Variants in TMEM163 observed in about 807,000 individuals in gnomAD.
TMEM163 encodes transmembrane protein 163.
TMEM163 carries 17 observed loss-of-function variants against 29.3 expected under a neutral mutation model. The observed-to-expected ratio is 0.58, with a 90% CI of 0.40 to 0.87. TMEM163 has a LOEUF of 0.87. Ranked by LOEUF, TMEM163 falls within the 40% of genes least tolerant of loss-of-function variation. The pLI is 0.00. For synonymous variants in TMEM163, 157 were observed against 160.6 expected, an observed-to-expected ratio of 0.98 and a Z score of 0.17; for missense variants, 303 against 381.5, an observed-to-expected ratio of 0.79 and a Z score of 1.71.
chr2:134,533,892 GC>G (rs1270528826), intron 4 of TMEM163, among the ~76,000 whole-genome samples: 1 of 152,134 alleles, frequency 6.6e-6, no homozygotes, highest in Admixed American at 6.5e-5. Context: ...GTCCAGGGAT[GC>G]TTTTTCTCAA....
intron 2 of TMEM163, among the ~76,000 whole-genome samples, chr2:134,667,103 T>C (rs1272481655): frequency 6.6e-6 from 1 of 152,210 alleles, no homozygotes; most frequent in Non-Finnish European, 1.5e-5. Context: ...ATTCACCAGA[T>C]TTGACTCAAG....
chr2:134,468,556 A>T (rs1686720399), intron 5 of TMEM163: 1 of 152,306 alleles, frequency 6.6e-6, no homozygotes. Context: ...TGGGAGACTG[A>T]GGCAGTCAGG....
At chr2:134,495,999 T>A (rs576829710) in intron 5 of TMEM163, among the ~76,000 whole-genome samples, 1 of 152,214 alleles carries the variant, frequency 6.6e-6, no homozygotes, top group East Asian at 1.9e-4. Context: ...TCATCCACCA[T>A]GAATAGAAGT....
At chr2:134,464,841 G>C (rs117977695) in intron 6 of TMEM163, among the ~76,000 whole-genome samples, 1 of 152,046 alleles carries the variant, frequency 6.6e-6, no homozygotes, top group South Asian at 2.1e-4. Flanking sequence ...GGGTGGAAAC[G>C]TCACTTTGGC....
At chr2:134,649,365 A>C (rs763859408) in intron 2 of TMEM163, among the ~76,000 whole-genome samples, 1 of 152,212 alleles carries the variant, frequency 6.6e-6, no homozygotes, top group Non-Finnish European at 1.5e-5. Context: ...CCTATGACTG[A>C]TATCAGTGAC....
At position 134,662,705 on chromosome 2, in the gene TMEM163, C is replaced by G. The variant is rs540932340; in HGVS notation, c.322+50495G>C. ...GTTATCATCCCTTGACATTGCTGACCTGAAATCCACCAGTGCTCCTGGGAC... is the reference window on the plus strand; with the variant it reads ...GTTATCATCCCTTGACATTGCTGACGTGAAATCCACCAGTGCTCCTGGGAC... On this transcript the variant is annotated intron_variant, in intron 2 of 7. Coordinates refer to ENST00000281924, the MANE Select transcript of TMEM163 (RefSeq NM_030923.5). Among the ~76,000 whole-genome samples the G allele has an allele frequency of 2.0e-5, 3 of 152,268 alleles. No homozygotes were observed. The East Asian group carries it at 5.8e-4, about 29-fold the overall frequency.
chr2:134,705,031 G>A (rs1297004695), intron 2 of TMEM163, among the ~76,000 whole-genome samples: 4 of 151,928 alleles, frequency 2.6e-5, no homozygotes, highest in East Asian at 1.9e-4. Context: ...CCAACATGGC[G>A]AAACCCCGGC....
intron 2 of TMEM163, among the ~76,000 whole-genome samples, chr2:134,623,374 C>T (rs1313668138): frequency 6.6e-6 from 1 of 152,110 alleles, no homozygotes; most frequent in Non-Finnish European, 1.5e-5. Flanking sequence ...TTTCGAGCAG[C>T]ACTCACACCC....
intron 4 of TMEM163, among the ~76,000 whole-genome samples, chr2:134,549,345 T>A (rs1047795710): frequency 6.6e-6 from 1 of 152,202 alleles, no homozygotes; most frequent in African/African-American, 2.4e-5. Flanking sequence ...TAACATCCCA[T>A]TCAAGAGTAC....
intron 2 of TMEM163, among the ~76,000 whole-genome samples, chr2:134,556,151 T>C (rs560488658): frequency 6.6e-6 from 1 of 152,270 alleles, no homozygotes; most frequent in South Asian, 2.1e-4. Context: ...AGAAAGTAGA[T>C]ATTAAACACA....
chr2:134,497,555 G>C (rs1271178114), intron 5 of TMEM163, among the ~76,000 whole-genome samples: 1 of 152,120 alleles, frequency 6.6e-6, no homozygotes, highest in Non-Finnish European at 1.5e-5. Context: ...GGGCAAGGAC[G>C]GGACTTCTAG....
At chr2:134,620,174 T>C (rs573683962) in intron 2 of TMEM163, among the ~76,000 whole-genome samples, 4 of 152,130 alleles carry the variant, frequency 2.6e-5, no homozygotes, top group South Asian at 2.1e-4. Context: ...CTAAAACTTA[T>C]ATGGAAATGC....
chr2:134,662,603 A>T (rs1370394251), intron 2 of TMEM163, among the ~76,000 whole-genome samples: 1 of 152,170 alleles, frequency 6.6e-6, no homozygotes, highest in Non-Finnish European at 1.5e-5. Flanking sequence ...GATTCGGGAG[A>T]TGAGCAATTC....
intron 4 of TMEM163, among the ~76,000 whole-genome samples, chr2:134,527,807 C>A (rs78242183): frequency 6.6e-6 from 1 of 152,044 alleles, no homozygotes; most frequent in Admixed American, 6.5e-5. Flanking sequence ...GAGGAACATA[C>A]GAAAATAATT....
At chr2:134,562,040 C>G (rs529270972) in intron 2 of TMEM163, among the ~76,000 whole-genome samples, 1 of 152,318 alleles carries the variant, frequency 6.6e-6, no homozygotes, top group African/African-American at 2.4e-5. Context: ...TAGAACAGAA[C>G]TTTCGCATTT....
intron 2 of TMEM163, among the ~76,000 whole-genome samples, chr2:134,659,917 A>G (rs1223542009): frequency 6.6e-6 from 1 of 152,164 alleles, no homozygotes; most frequent in African/African-American, 2.4e-5. Flanking sequence ...AGCCTGGGCA[A>G]CAGAGCAAGA....
intron 2 of TMEM163, among the ~76,000 whole-genome samples, chr2:134,566,099 A>G (rs753903015): frequency 1.3e-5 from 2 of 152,218 alleles, no homozygotes; most frequent in Non-Finnish European, 2.9e-5. Context: ...TCAATTTTTA[A>G]AAGAATACTT....
chr2:134,515,547 A>G (rs1680039421), intron 4 of TMEM163, among the ~76,000 whole-genome samples: 1 of 152,226 alleles, frequency 6.6e-6, no homozygotes, highest in East Asian at 1.9e-4. Flanking sequence ...ATCCCTGAAG[A>G]AAAGGCTTTT....
intron 2 of TMEM163, among the ~76,000 whole-genome samples, chr2:134,601,803 G>A (rs1422829279): frequency 1.3e-5 from 2 of 152,274 alleles, no homozygotes; most frequent in East Asian, 3.9e-4. Context: ...TCCAAAAGTG[G>A]TAAGAGCTAT....
Sources: allele counts gnomAD v4.1 joint callset (sites outside exome capture counted in the v4.1 genomes callset), GRCh38; gene constraint gnomAD v4.1.1; transcripts MANE v1.5; gene names NCBI Gene and HGNC (gene_info 2026-07-23, HGNC 2026-07-21).